KIAA1328: variants seen among roughly 807,000 people sequenced by gnomAD.
KIAA1328 encodes protein hinderin.
KIAA1328 carries 52 observed loss-of-function variants against 68.1 expected under a neutral mutation model. The ratio of observed to expected loss-of-function variants is 0.76; its 90% CI spans 0.61 to 0.96. KIAA1328 has a LOEUF of 0.96. Ranked by LOEUF, KIAA1328 falls within the 40% of genes least tolerant of loss-of-function variation. The probability of loss-of-function intolerance (pLI) is 0.00; values close to 1 mark genes in which losing one functional copy is unlikely to be tolerated. For missense variants in KIAA1328, 641 were observed against 677.6 expected, an observed-to-expected ratio of 0.95 and a Z score of 0.60; for synonymous variants, 232 against 239.4, an observed-to-expected ratio of 0.97 and a Z score of 0.28.
chr18:36,891,041 A>G (rs553028972), intron 5 of KIAA1328, among the ~76,000 whole-genome samples: 1 of 152,326 alleles, frequency 6.6e-6, no homozygotes, highest in African/African-American at 2.4e-5. Context: ...GTTTAAAGGT[A>G]AATCCAATTA....
intron 5 of KIAA1328, chr18:36,895,757 A>C: frequency 2.2e-6 from 1 of 456,276 alleles, no homozygotes; most frequent in South Asian, 1.5e-5. Flanking sequence ...AGCTGAAGAT[A>C]GGGTTTTTAG....
At chr18:37,036,327 A>G (rs2055027157) in intron 6 of KIAA1328, among the ~76,000 whole-genome samples, 1 of 152,196 alleles carries the variant, frequency 6.6e-6, no homozygotes, top group African/African-American at 2.4e-5. Context: ...TCACAAAGTA[A>G]TTAAAAACAG....
chr18:37,159,415 T>C (rs1200255516), intron 7 of KIAA1328, among the ~76,000 whole-genome samples: 1 of 152,192 alleles, frequency 6.6e-6, no homozygotes, highest in Non-Finnish European at 1.5e-5. Flanking sequence ...TTTCCATGTC[T>C]TTTTCTTTAA....
chr18:36,836,552 C>T (rs1238242548), intron 3 of KIAA1328, among the ~76,000 whole-genome samples: 3 of 152,094 alleles, frequency 2.0e-5, no homozygotes, highest in African/African-American at 7.2e-5. Context: ...TGTTGTCATA[C>T]ATTTTACTTA....
chr18:37,142,180 T>C (rs1174832528), intron 7 of KIAA1328, among the ~76,000 whole-genome samples: 2 of 135,460 alleles, frequency 1.5e-5, no homozygotes, highest in African/African-American at 7.2e-5. Context: ...TCAAGGTTCA[T>C]TCTTTTTCTT....
In KIAA1328 at chr18:36,835,329, A is replaced by G. The variant is rs1387991381; in HGVS notation, c.190A>G (p.Ile64Val). The G allele has an allele frequency of 3.7e-6, 6 of 1,613,644 alleles. No homozygotes were observed. The highest frequency in any genetic ancestry group is 2.7e-5 in the African/African-American group (2 of 74,934). The change falls in exon 3 of 10, where the codon ATC becomes GTC. Residue 64 changes from isoleucine (I) to valine (V), a missense_variant. Coordinates refer to ENST00000280020, the MANE Select transcript of KIAA1328 (RefSeq NM_020776.3). ...LKTSRVTDAS[I>V]SMESLKGTGD... ...GACTTCCAGGGTGACTGATGCTTCA[A>G]TCTCCATGGAGTCCTTAAAAGGCAC...
At chr18:36,944,044 A>G (rs1725805126) in intron 5 of KIAA1328, among the ~76,000 whole-genome samples, 1 of 152,210 alleles carries the variant, frequency 6.6e-6, no homozygotes, top group Non-Finnish European at 1.5e-5. Context: ...GTAAAAATTC[A>G]ACATTATGAT....
chr18:37,028,892 C>G (rs1436671693), intron 6 of KIAA1328, among the ~76,000 whole-genome samples: 1 of 152,018 alleles, frequency 6.6e-6, no homozygotes, highest in Non-Finnish European at 1.5e-5. Flanking sequence ...GGTGGATTAG[C>G]TTTTTGAGGT....
intron 5 of KIAA1328, among the ~76,000 whole-genome samples, chr18:36,906,660 A>G (rs1598664365): frequency 1.3e-5 from 2 of 152,242 alleles, no homozygotes; most frequent in Admixed American, 6.5e-5. Flanking sequence ...ATATTTTGAT[A>G]TAAGCATGCA....
intron 9 of KIAA1328, among the ~76,000 whole-genome samples, chr18:37,219,191 C>T (rs77579758): frequency 6.6e-6 from 1 of 152,208 alleles, no homozygotes; most frequent in Non-Finnish European, 1.5e-5. Context: ...GCTGCCTGAT[C>T]CTTCCTCTGG....
chr18:36,995,708 T>G (rs572997123), intron 6 of KIAA1328, among the ~76,000 whole-genome samples: 1 of 152,330 alleles, frequency 6.6e-6, no homozygotes, highest in South Asian at 2.1e-4. Flanking sequence ...TACTCAAACC[T>G]CTAGCGGGGC....
At chr18:37,128,854 A>G (rs2058454860) in intron 7 of KIAA1328, among the ~76,000 whole-genome samples, 1 of 152,238 alleles carries the variant, frequency 6.6e-6, no homozygotes, top group African/African-American at 2.4e-5. Context: ...TACGTGTAAC[A>G]ACATGGGTGA....
intron 9 of KIAA1328, among the ~76,000 whole-genome samples, chr18:37,176,909 C>G (rs1017692434): frequency 6.6e-6 from 1 of 152,064 alleles, no homozygotes; most frequent in Non-Finnish European, 1.5e-5. Flanking sequence ...CCATTGTCAA[C>G]AATAAAGATC....
chr18:36,926,875 G>A (rs186696271), intron 5 of KIAA1328, among the ~76,000 whole-genome samples: 106 of 152,256 alleles, frequency 7.0e-4, no homozygotes, highest in Non-Finnish European at 8.8e-5. Context: ...CATTGTCCCG[G>A]CATCTGCTTC....
chr18:36,910,978 C>T (rs1312811146), intron 5 of KIAA1328, among the ~76,000 whole-genome samples: 1 of 152,004 alleles, frequency 6.6e-6, no homozygotes, highest in Non-Finnish European at 1.5e-5. Context: ...TATATATTAT[C>T]AGTACCCCAA....
intron 6 of KIAA1328, among the ~76,000 whole-genome samples, chr18:36,999,201 G>C (rs1568273242): frequency 2.0e-5 from 3 of 152,120 alleles, no homozygotes. Context: ...ACTTAAAGAT[G>C]AGTCTTTTGA....
chr18:37,111,358 G>T (rs1467985215), intron 7 of KIAA1328, among the ~76,000 whole-genome samples: 1 of 152,092 alleles, frequency 6.6e-6, no homozygotes, highest in Non-Finnish European at 1.5e-5. Flanking sequence ...GGATTTTATG[G>T]ACTTTAATCA....
chr18:37,191,938 G>A (rs2059912040), intron 9 of KIAA1328, among the ~76,000 whole-genome samples: 1 of 152,130 alleles, frequency 6.6e-6, no homozygotes, highest in African/African-American at 2.4e-5. Context: ...AGGGCAGAGT[G>A]GTATAATCTG....
intron 8 of KIAA1328, among the ~76,000 whole-genome samples, chr18:37,161,167 C>T (rs2059270556): frequency 6.6e-6 from 1 of 152,144 alleles, no homozygotes; most frequent in Admixed American, 6.6e-5. Context: ...AGATTTCCTT[C>T]TTATTTACCT....
Sources: allele counts gnomAD v4.1 joint callset (sites outside exome capture counted in the v4.1 genomes callset), GRCh38; gene constraint gnomAD v4.1.1; transcripts MANE v1.5; gene names NCBI Gene and HGNC (gene_info 2026-07-23, HGNC 2026-07-21).